The following THOC1 variants were observed in gnomAD, a reference collection of about 807,000 sequenced individuals.
THOC1 encodes the protein THO complex subunit 1, also known as THO complex 1.
THOC1 carries 29 observed loss-of-function variants against 97.3 expected under a neutral mutation model. That is an observed-to-expected ratio of 0.30 (90% confidence interval 0.22 to 0.41). The LOEUF is 0.41. THOC1 is among the 10% of genes least tolerant of loss of function. The pLI is 1.00. For synonymous variants in THOC1, 255 were observed against 257.0 expected, an observed-to-expected ratio of 0.99 and a Z score of 0.07; for missense variants, 529 against 761.9, an observed-to-expected ratio of 0.69 and a Z score of 3.60.
chr18:259,227 C>T lies in THOC1; in HGVS notation c.473G>A (p.Arg158Gln), dbSNP rs201162385. The change falls in exon 7 of 21, where the codon CGG becomes CAG. Residue 158 changes from arginine to glutamine, a missense_variant. By Grantham distance (43) the Arg-to-Gln change is conservative (BLOSUM62 1). Around this residue, in one of 8 missense-constraint regions of THOC1, gnomAD observed 49 missense variants for 91.7 expected, o/e 0.53. Coordinates refer to ENST00000261600, the MANE Select transcript of THOC1 (RefSeq NM_005131.3). ...AAGCCTGGCCAAAAAGAGCTGAATC[C>T]GTCCACAGAAGACTGTATTCTGGGA... ...SKSQNTVFCG[R>Q]IQLFLARLFP... The T allele has an allele frequency of 8.2e-5, 132 of 1,612,390 alleles. No homozygotes were observed. The highest frequency in any genetic ancestry group is 1.0e-4 in the Admixed American group (6 of 59,866).
Position 260,216 on chromosome 18 carries a change from A to G in THOC1, c.345T>C (p.Phe115=), listed in dbSNP as rs748517045. ...TCCAAGTAGCAACATTTTTTTCCAC[A>G]AAAGTGAATATTGTGTCACACTGAT... The part of the protein sequence containing the change: ...PLDQCDTIFT[F]VEKNVATWKS... Residue 115 remains phenylalanine, a synonymous_variant, in exon 5 of 21, where the codon TTT becomes TTC. Coordinates refer to ENST00000261600, the MANE Select transcript of THOC1 (RefSeq NM_005131.3). 1 of 1,573,586 alleles carries G rather than the reference A, an allele frequency of 6.4e-7. No homozygotes were observed. Among genetic ancestry groups the G allele is most frequent in the South Asian group, 1.2e-5 (1 of 82,782 alleles).
intron 3 of THOC1, 49 bp downstream of exon 3, chr18:265,254 G>A: frequency 7.0e-7 from 1 of 1,437,204 alleles, no homozygotes; most frequent in South Asian, 1.3e-5. Flanking sequence ...TAAATAACAT[G>A]GTTTATTAAT....
rs199557107 is a variant in THOC1, at chr18:248,268, C to G, written c.678-311G>C. On this transcript the variant is annotated intron_variant, in intron 9 of 20. Coordinates refer to ENST00000261600, the MANE Select transcript of THOC1 (RefSeq NM_005131.3). Reference sequence around the variant, plus strand: ...GTCATGTGATTAAATTCTGGCCAATCAGTTGAGAGCGGAAGTCATATGTGC... The same window carrying G: ...GTCATGTGATTAAATTCTGGCCAATGAGTTGAGAGCGGAAGTCATATGTGC... 4.4e-4 allele frequency among the ~76,000 whole-genome samples: 67 copies of G among 152,300 alleles called. 1 individual carries two copies. In the East Asian group the frequency reaches 0.011, roughly 25 times the overall value.
chr18:267,863 C>A (rs773169610), intron 1 of THOC1, 103 bp downstream of exon 1: 97 of 1,262,714 alleles, frequency 7.7e-5, no homozygotes, highest in Admixed American at 4.9e-4. Flanking sequence ...GGCGGACACA[C>A]CTCTGTCTCA....
At chr18:241,045 G>A (rs925833922) in intron 11 of THOC1, among the ~76,000 whole-genome samples, 1 of 152,162 alleles carries the variant, frequency 6.6e-6, no homozygotes, top group African/African-American at 2.4e-5. Flanking sequence ...TAATATGAGT[G>A]ATGGAGAGCA....
intron 17 of THOC1, among the ~76,000 whole-genome samples, chr18:222,577 G>T (rs1911129535): frequency 6.6e-6 from 1 of 152,144 alleles, no homozygotes; most frequent in African/African-American, 2.4e-5. Context: ...TAATGATTAA[G>T]AAATCACCCA....
chr18:253,842 G>T (rs998432627), intron 8 of THOC1, among the ~76,000 whole-genome samples: 5 of 150,838 alleles, frequency 3.3e-5, no homozygotes, highest in Non-Finnish European at 7.4e-5. Flanking sequence ...ATTTCTGTAA[G>T]TTGGAAATAA....
At chr18:227,517 CTTTT>C (rs765831033) in intron 11 of THOC1, among the ~76,000 whole-genome samples, 2 of 145,704 alleles carry the variant, frequency 1.4e-5, no homozygotes, top group Non-Finnish European at 3.0e-5. Context: ...ATTAGATGGG[CTTTT>C]TTTTTTAGCT....
At chr18:229,242 A>G (rs901677112) in intron 11 of THOC1, among the ~76,000 whole-genome samples, 16 of 152,168 alleles carry the variant, frequency 1.1e-4, no homozygotes, top group African/African-American at 3.9e-4. Context: ...TTCCATAAGC[A>G]TTAAATAAGC....
At chr18:232,668 A>G (rs549470748) in intron 11 of THOC1, among the ~76,000 whole-genome samples, 5 of 152,042 alleles carry the variant, frequency 3.3e-5, no homozygotes, top group South Asian at 4.2e-4. Flanking sequence ...GTTTTTACAA[A>G]AGTATTCTGC....
chr18:251,774 C>A (rs1912287088), intron 9 of THOC1, among the ~76,000 whole-genome samples: 1 of 152,204 alleles, frequency 6.6e-6, no homozygotes, highest in South Asian at 2.1e-4. Flanking sequence ...GCGTCCTGTA[C>A]AGGGTTGGTT....
intron 16 of THOC1, 51 bp downstream of exon 16, chr18:224,033 C>T: frequency 7.7e-7 from 1 of 1,296,560 alleles, no homozygotes; most frequent in Non-Finnish European, 1.1e-6. Context: ...GTAACATCTT[C>T]AAAATATAAA....
chr18:254,658 A>G lies in THOC1; in HGVS notation c.521-303T>C, dbSNP rs934098347. On this transcript the variant is annotated intron_variant, in intron 7 of 20. Coordinates refer to ENST00000261600, the MANE Select transcript of THOC1 (RefSeq NM_005131.3). The surrounding 1 kb of genome is among the most constrained non-coding windows in gnomAD (Gnocchi z 4.1). The stretch of plus-strand genomic sequence containing the variant: ...AGCATATGCTCACTTCCTCTGTCAC[A>G]TTTTGGTAATTCTCACAATATTTCA... Among the ~76,000 whole-genome samples, 1 of 152,092 alleles carries G rather than the reference A, an allele frequency of 6.6e-6. No individual in the cohort carries two copies. Among genetic ancestry groups the G allele is most frequent in the Admixed American group, 6.5e-5 (1 of 15,270 alleles).
intron 11 of THOC1, among the ~76,000 whole-genome samples, chr18:243,190 T>C (rs1911966808): frequency 6.6e-6 from 1 of 152,200 alleles, no homozygotes; most frequent in African/African-American, 2.4e-5. Context: ...TTCCTCGTGA[T>C]GTGATATTAA....
At chr18:262,716 T>G (rs1912641873) in intron 4 of THOC1, among the ~76,000 whole-genome samples, 1 of 152,234 alleles carries the variant, frequency 6.6e-6, no homozygotes, top group South Asian at 2.1e-4. Context: ...CAAAGTGAAT[T>G]TATGAACTTA....
chr18:226,184 A>G (rs1911278580), intron 12 of THOC1: 1 of 152,300 alleles, frequency 6.6e-6, no homozygotes, highest in African/African-American at 2.4e-5. Context: ...CCAGCAAATG[A>G]CGAGCCTGGG....
chr18:257,209 A>C (rs1299647576), intron 7 of THOC1, among the ~76,000 whole-genome samples: 1 of 152,218 alleles, frequency 6.6e-6, no homozygotes, highest in Non-Finnish European at 1.5e-5. Context: ...TGTAAACAGA[A>C]TTCTATATAC....
intron 11 of THOC1, among the ~76,000 whole-genome samples, chr18:227,674 T>C (rs1359917882): frequency 1.3e-5 from 2 of 152,176 alleles, no homozygotes; most frequent in Non-Finnish European, 2.9e-5. Context: ...GTCATTCTGA[T>C]TATGTGCATG....
intron 11 of THOC1, among the ~76,000 whole-genome samples, chr18:237,195 T>G (rs1195247151): frequency 6.7e-6 from 1 of 150,210 alleles, no homozygotes; most frequent in African/African-American, 2.5e-5. Flanking sequence ...AGTCTTGCTC[T>G]GTTACCCAGG....
Sources: gnomAD v4.1 joint callset for allele counts (sites outside exome capture counted in the v4.1 genomes callset) on GRCh38, gnomAD v4.1.1 for gene constraint, gnomAD v4.1.1 regional missense constraint, Gnocchi (gnomAD v3.1) non-coding constraint, MANE v1.5 for transcripts, NCBI Gene and HGNC (gene_info 2026-07-23, HGNC 2026-07-21) for gene names.